Variants in ASTN2 observed in about 807,000 individuals in gnomAD.
ASTN2 encodes astrotactin 2.
Under a neutral mutation model 139.8 loss-of-function variants are expected in ASTN2, and 54 were observed. The ratio of observed to expected loss-of-function variants is 0.39; its 90% CI spans 0.31 to 0.48. The LOEUF is 0.48. ASTN2 is among the 20% of genes least tolerant of loss of function. The pLI, the probability that ASTN2 is intolerant of heterozygous loss-of-function variation, is 0.95. For missense variants in ASTN2, 1,565 were observed against 1,725.1 expected, an observed-to-expected ratio of 0.91 and a Z score of 1.64; for synonymous variants, 756 against 719.5, an observed-to-expected ratio of 1.05 and a Z score of -0.81.
intron 5 of ASTN2, among the ~76,000 whole-genome samples, chr9:117,064,762 C>G (rs1827879414): frequency 6.6e-6 from 1 of 151,642 alleles, no homozygotes; most frequent in Non-Finnish European, 1.5e-5. Flanking sequence ...CTATCCATGT[C>G]ATAAAACTGT....
chr9:116,803,481 AATATATATATATAT>A (rs1168011369), intron 13 of ASTN2, among the ~76,000 whole-genome samples: 13 of 80,112 alleles, frequency 1.6e-4, no homozygotes, highest in South Asian at 5.1e-4. Context: ...AAGTTCGAAT[AATATATATATATAT>A]ATATATATAT....
At chr9:117,001,134 C>T (rs1837179526) in intron 7 of ASTN2, among the ~76,000 whole-genome samples, 1 of 152,188 alleles carries the variant, frequency 6.6e-6, no homozygotes, top group Non-Finnish European at 1.5e-5. Flanking sequence ...CACTTTCCTT[C>T]TCCTTCCCTG....
intron 6 of ASTN2, among the ~76,000 whole-genome samples, chr9:117,015,778 A>G (rs1371446804): frequency 6.6e-6 from 1 of 151,868 alleles, no homozygotes; most frequent in Admixed American, 6.5e-5. Flanking sequence ...TTTTTTTTTC[A>G]TGCTCTGAAG....
chr9:116,477,566 G>A (rs1417628760), intron 20 of ASTN2, among the ~76,000 whole-genome samples: 1 of 152,028 alleles, frequency 6.6e-6, no homozygotes, highest in Non-Finnish European at 1.5e-5. Context: ...CTGTTTGGGT[G>A]TCGGAGGAGG....
intron 10 of ASTN2, among the ~76,000 whole-genome samples, chr9:116,937,540 C>T (rs1835114161): frequency 6.6e-6 from 1 of 152,184 alleles, no homozygotes. Context: ...TCTCTACTGC[C>T]TAGCCCAGAG....
chr9:117,102,564 C>A (rs944975272), intron 4 of ASTN2, among the ~76,000 whole-genome samples: 2 of 152,174 alleles, frequency 1.3e-5, no homozygotes, highest in East Asian at 1.9e-4. Flanking sequence ...CTCTTGTTAC[C>A]CAGGCTGGGG....
chr9:116,446,141 A>G (rs1179830225), intron 20 of ASTN2, among the ~76,000 whole-genome samples: 2 of 150,866 alleles, frequency 1.3e-5, no homozygotes, highest in Admixed American at 1.3e-4. Context: ...TTGGGGGGGG[A>G]CAGAGACCAA....
chr9:116,873,208 TG>T (rs1833210284), intron 10 of ASTN2, among the ~76,000 whole-genome samples: 1 of 152,242 alleles, frequency 6.6e-6, no homozygotes, highest in African/African-American at 2.4e-5. Context: ...GGCACCATTT[TG>T]AGGCTGTTTT....
intron 1 of ASTN2, among the ~76,000 whole-genome samples, chr9:117,336,057 G>GAAAAA (rs35679249): frequency 3.8e-5 from 4 of 104,922 alleles, no homozygotes; most frequent in African/African-American, 7.4e-5. Flanking sequence ...GTCTGGAAAG[G>GAAAAA]AAAAAAAAAA....
At chr9:116,949,037 C>T (rs536983149) in intron 10 of ASTN2, among the ~76,000 whole-genome samples, 6 of 152,080 alleles carry the variant, frequency 3.9e-5, no homozygotes, top group Admixed American at 2.6e-4. Flanking sequence ...GATCTGCCCA[C>T]CTCGGCCTCC....
At position 117,330,284 on chromosome 9, in the gene ASTN2, T is replaced by C. The variant is rs527768352; in HGVS notation, c.443-38771A>G. ...ATTTTCACACACTTCAGCCTGAGGC[T>C]TCAAGAAACCCAACTGACACAACTA... is the stretch of plus-strand genomic sequence containing the variant. On this transcript the variant is annotated intron_variant, in intron 1 of 22. Coordinates refer to ENST00000313400, the MANE Select transcript of ASTN2 (RefSeq NM_001365068.1). Among the ~76,000 whole-genome samples the C allele has an allele frequency of 8.5e-4, 129 of 152,264 alleles. 1 individual carries two copies. The South Asian group carries it at 0.026, about 31-fold the overall frequency.
chr9:117,300,231 C>T (rs940487293), intron 1 of ASTN2, among the ~76,000 whole-genome samples: 14 of 152,234 alleles, frequency 9.2e-5, no homozygotes, highest in African/African-American at 3.4e-4. Flanking sequence ...TCCTCACAGA[C>T]TTTCCAGTTT....
chr9:116,959,163 G>A (rs1382531116), intron 10 of ASTN2, among the ~76,000 whole-genome samples: 1 of 152,194 alleles, frequency 6.6e-6, no homozygotes, highest in Non-Finnish European at 1.5e-5. Flanking sequence ...GACGACAAAG[G>A]AGAAAGGGCT....
At chr9:117,371,380 A>T (rs1299472918) in intron 1 of ASTN2, among the ~76,000 whole-genome samples, 1 of 152,160 alleles carries the variant, frequency 6.6e-6, no homozygotes, top group Non-Finnish European at 1.5e-5. Flanking sequence ...TTGCCTCCCT[A>T]ATCCAAGCAA....
chr9:117,081,841 G>A (rs1828436768), intron 5 of ASTN2, among the ~76,000 whole-genome samples: 1 of 152,160 alleles, frequency 6.6e-6, no homozygotes, highest in Admixed American at 6.5e-5. Context: ...AGGAAAACAG[G>A]CACATCACTC....
chr9:116,840,740 G>C (rs2132303951), intron 11 of ASTN2, among the ~76,000 whole-genome samples: 1 of 145,186 alleles, frequency 6.9e-6, no homozygotes, highest in Non-Finnish European at 1.5e-5. Flanking sequence ...ATCCCGGACG[G>C]GGCGGCAGGG....
chr9:117,115,562 G>C (rs1473668065), intron 4 of ASTN2, among the ~76,000 whole-genome samples: 1 of 151,994 alleles, frequency 6.6e-6, no homozygotes, highest in East Asian at 1.9e-4. Context: ...TCTATACTAT[G>C]GTCACAAGTC....
intron 3 of ASTN2, among the ~76,000 whole-genome samples, chr9:117,203,915 A>T (rs1302790539): frequency 1.3e-5 from 2 of 152,116 alleles, no homozygotes; most frequent in Non-Finnish European, 2.9e-5. Context: ...GGGGAAACCC[A>T]CTGTTCTGGG....
chr9:117,225,233 C>G (rs753366943), intron 2 of ASTN2, among the ~76,000 whole-genome samples: 14 of 152,020 alleles, frequency 9.2e-5, no homozygotes, highest in Non-Finnish European at 1.6e-4. Context: ...AGTCCTCCAT[C>G]TGTCTGTAAG....
Sources: allele counts gnomAD v4.1 joint callset (sites outside exome capture counted in the v4.1 genomes callset), GRCh38; gene constraint gnomAD v4.1.1; transcripts MANE v1.5; gene names NCBI Gene and HGNC (gene_info 2026-07-23, HGNC 2026-07-21).